The following EBF1 variants were observed in gnomAD, a reference collection of about 807,000 sequenced individuals.
EBF1 encodes EBF transcription factor 1, also known as transcription factor COE1.
Under a neutral mutation model 68.4 loss-of-function variants are expected in EBF1, and 10 were observed. The ratio of observed to expected loss-of-function variants is 0.15; its 90% confidence interval spans 0.09 to 0.25. EBF1 has a LOEUF of 0.25. Among genes scored for constraint, EBF1 ranks in the 10% least tolerant of loss-of-function variants. EBF1 has a pLI of 1.00. For missense variants in EBF1, 509 were observed against 794.4 expected (o/e 0.64, Z 4.32); for synonymous variants, 298 against 299.8 (o/e 0.99, Z 0.06).
intron 6 of EBF1, among the ~76,000 whole-genome samples, chr5:158,952,277 T>C (rs1394086556): frequency 1.3e-5 from 2 of 152,124 alleles, no homozygotes; most frequent in Admixed American, 6.5e-5. Context: ...TGTAGAGAAA[T>C]CATTTGGACA....
chr5:158,835,057 T>C (rs895935266), intron 7 of EBF1, among the ~76,000 whole-genome samples: 13 of 152,220 alleles, frequency 8.5e-5, no homozygotes, highest in African/African-American at 3.1e-4. Flanking sequence ...ATAAAAATAT[T>C]TGAAACCAGC....
chr5:158,718,262 G>A (rs1260022160), intron 11 of EBF1, among the ~76,000 whole-genome samples: 2 of 151,754 alleles, frequency 1.3e-5, no homozygotes, highest in Non-Finnish European at 2.9e-5. Flanking sequence ...AGTCACAAAA[G>A]ATTGTCGCCA....
chr5:158,838,300 G>T (rs112824187), intron 7 of EBF1, among the ~76,000 whole-genome samples: 1 of 151,898 alleles, frequency 6.6e-6, no homozygotes, highest in African/African-American at 2.4e-5. Flanking sequence ...AAAAAAATTA[G>T]CCGGGCATGG....
At chr5:158,803,185 A>G (rs1780930195) in intron 8 of EBF1, among the ~76,000 whole-genome samples, 1 of 152,114 alleles carries the variant, frequency 6.6e-6, no homozygotes, top group Non-Finnish European at 1.5e-5. Flanking sequence ...TCTACGGGAT[A>G]CTTGTGACCT....
intron 8 of EBF1, among the ~76,000 whole-genome samples, chr5:158,822,087 AG>A (rs1182425911): frequency 2.0e-5 from 3 of 152,194 alleles, no homozygotes; most frequent in African/African-American, 7.2e-5. Flanking sequence ...CATGGAAAAA[AG>A]CAGGCAATCA....
chr5:158,918,524 A>G (rs1478667851), intron 6 of EBF1, among the ~76,000 whole-genome samples: 1 of 152,222 alleles, frequency 6.6e-6, no homozygotes, highest in Non-Finnish European at 1.5e-5. Context: ...AATTAGTAAG[A>G]GATAAAGAGA....
At chr5:158,874,042 G>T (rs1480247766) in intron 6 of EBF1, among the ~76,000 whole-genome samples, 5 of 152,200 alleles carry the variant, frequency 3.3e-5, no homozygotes, top group Admixed American at 3.3e-4. Flanking sequence ...AGGATTGTTT[G>T]TTAGTGATTT....
At chr5:158,771,084 G>A (rs993277503) in intron 10 of EBF1, among the ~76,000 whole-genome samples, 2 of 152,088 alleles carry the variant, frequency 1.3e-5, no homozygotes, top group Non-Finnish European at 2.9e-5. Context: ...CAGAACACAG[G>A]TATTTTTATT....
rs758074275 is a variant in EBF1, at chr5:159,099,373, C to T, written c.106G>A (p.Val36Met). 8.1e-6 allele frequency: 13 copies of T among 1,596,650 alleles called. No homozygotes were observed. Among genetic ancestry groups the T allele is most frequent in the Middle Eastern group, 1.7e-4 (1 of 6,030 alleles). The change falls in exon 1 of 16, where the codon GTG (valine) becomes ATG (methionine). Residue 36 changes from valine to methionine, a missense_variant. This residue lies in a region of EBF1 where 74 missense variants were observed against 79.4 expected (regional missense o/e 0.93). Coordinates refer to ENST00000313708, the MANE Select transcript of EBF1 (RefSeq NM_024007.5). ...AVRTWMQGAG[V>M]LDANTAAQSG... ...TGCGCCGCCGTGTTGGCGTCCAGCA[C>T]CCCGGCGCCCTGCATCCACGTCCGC... is the stretch of plus-strand genomic sequence containing the variant.
intron 14 of EBF1, among the ~76,000 whole-genome samples, chr5:158,711,140 T>C (rs969245867): frequency 2.6e-5 from 4 of 152,208 alleles, no homozygotes; most frequent in Non-Finnish European, 5.9e-5. Context: ...TTGCCAGATT[T>C]CTGGAAAAGT....
At chr5:159,030,520 C>T (rs775476657) in intron 6 of EBF1, among the ~76,000 whole-genome samples, 8 of 152,180 alleles carry the variant, frequency 5.3e-5, no homozygotes, top group Non-Finnish European at 1.2e-4. Flanking sequence ...TGGAGAAAGC[C>T]TCCTGCAGAG....
chr5:158,954,834 C>T (rs1269846399), intron 6 of EBF1, among the ~76,000 whole-genome samples: 3 of 152,192 alleles, frequency 2.0e-5, no homozygotes, highest in Non-Finnish European at 2.9e-5. Context: ...GACTAAGGCA[C>T]TAATGCTTCA....
At chr5:159,021,777 A>G (rs1766734851) in intron 6 of EBF1, among the ~76,000 whole-genome samples, 1 of 152,264 alleles carries the variant, frequency 6.6e-6, no homozygotes, top group African/African-American at 2.4e-5. Flanking sequence ...GACAAAGAGC[A>G]TATACAACCA....
chr5:159,005,099 T>A (rs1016580870), intron 6 of EBF1, among the ~76,000 whole-genome samples: 5 of 152,202 alleles, frequency 3.3e-5, no homozygotes, highest in African/African-American at 1.2e-4. Flanking sequence ...CTTTCTGGAA[T>A]CTGCCGGGGC....
chr5:159,075,288 C>G (rs1229332067), intron 5 of EBF1, among the ~76,000 whole-genome samples: 1 of 152,092 alleles, frequency 6.6e-6, no homozygotes, highest in Non-Finnish European at 1.5e-5. Flanking sequence ...TGCACCTACC[C>G]TCTTCAGTCC....
At chr5:158,701,708 G>A (rs1756808074) in intron 15 of EBF1, among the ~76,000 whole-genome samples, 1 of 152,244 alleles carries the variant, frequency 6.6e-6, no homozygotes, top group Non-Finnish European at 1.5e-5. Context: ...TTCAAGAGAA[G>A]CTAGAGATTT....
chr5:159,072,038 T>A (rs532876503), intron 6 of EBF1, among the ~76,000 whole-genome samples: 2 of 152,370 alleles, frequency 1.3e-5, no homozygotes, highest in East Asian at 1.9e-4. Flanking sequence ...AGCAACTATA[T>A]GAACAGTATA....
At chr5:158,825,937 A>C (rs1341968126) in intron 7 of EBF1, among the ~76,000 whole-genome samples, 1 of 151,910 alleles carries the variant, frequency 6.6e-6, no homozygotes, top group African/African-American at 2.4e-5. Context: ...AAAAAAAAAA[A>C]CACTGTGAGA....
At chr5:158,740,548 G>A (rs1287736679) in intron 10 of EBF1, among the ~76,000 whole-genome samples, 2 of 152,198 alleles carry the variant, frequency 1.3e-5, no homozygotes, top group Non-Finnish European at 2.9e-5. Flanking sequence ...AGACAGGAAA[G>A]TACTTGTAAC....
Sources: allele counts gnomAD v4.1 joint callset (sites outside exome capture counted in the v4.1 genomes callset), GRCh38; gene constraint gnomAD v4.1.1; regional missense constraint gnomAD v4.1.1; transcripts MANE v1.5; gene names NCBI Gene and HGNC (gene_info 2026-07-23, HGNC 2026-07-21).